Variants in ADGRL3 observed in about 807,000 individuals in gnomAD.
ADGRL3 encodes the protein adhesion G protein-coupled receptor L3.
In ADGRL3, 62 loss-of-function variants were observed where a neutral mutation model predicts 153.5. The ratio of observed to expected loss-of-function variants is 0.40; its 90% CI spans 0.33 to 0.50. ADGRL3 has a LOEUF of 0.50. Ranked by LOEUF, ADGRL3 falls within the 20% of genes least tolerant of loss-of-function variation. The pLI, the probability that ADGRL3 is intolerant of heterozygous loss-of-function variation, is 0.47. For synonymous variants in ADGRL3, 710 were observed against 672.5 expected (o/e 1.06, Z -0.86); for missense variants, 1,641 against 1,859.4 (o/e 0.88, Z 2.16).
Position 61,871,049 on chromosome 4 carries a change from C to T in ADGRL3, c.1481-21607C>T, listed in dbSNP as rs184162196. Among the ~76,000 whole-genome samples the T allele has an allele frequency of 2.7e-4, 41 of 152,238 alleles. No individual in the cohort carries two copies. The South Asian group carries it at 3.5e-3, about 13-fold the overall frequency. ...ATCCCAGCTCTTTGGGAGGCCAAGGCGGGCGAATCACGAGGTCAGGAGATC... is the reference window on the plus strand; with the variant it reads ...ATCCCAGCTCTTTGGGAGGCCAAGGTGGGCGAATCACGAGGTCAGGAGATC... On this transcript the variant is annotated intron_variant, in intron 9 of 26. Transcript: ENST00000683033.
At chr4:61,292,302 C>T (rs905817296) in intron 1 of ADGRL3, among the ~76,000 whole-genome samples, 1 of 151,942 alleles carries the variant, frequency 6.6e-6, no homozygotes, top group Non-Finnish European at 1.5e-5. Context: ...TGTGTGTTTA[C>T]TTCAATGGGA....
At chr4:61,741,026 GATGA>G (rs2096574971) in intron 8 of ADGRL3, among the ~76,000 whole-genome samples, 2 of 152,302 alleles carry the variant, frequency 1.3e-5, no homozygotes, top group South Asian at 4.1e-4. Context: ...GCTGTGTAGT[GATGA>G]ATAAGAACTT....
At chr4:61,718,150 G>GAAT (rs1178013650) in intron 6 of ADGRL3, among the ~76,000 whole-genome samples, 4 of 152,034 alleles carry the variant, frequency 2.6e-5, no homozygotes, top group African/African-American at 9.7e-5. Context: ...TTTGTAATTA[G>GAAT]AATATTAACC....
intron 5 of ADGRL3, among the ~76,000 whole-genome samples, chr4:61,614,299 T>A (rs2091745157): frequency 6.6e-6 from 1 of 152,172 alleles, no homozygotes; most frequent in Admixed American, 6.5e-5. Context: ...AGTGGCAAAC[T>A]TCAGAAGGAT....
Position 61,472,407 on chromosome 4 carries a change from G to C in ADGRL3, c.-173-24714G>C, listed in dbSNP as rs540859774. ...GTTGGCCAGGGCGGCAGTCTCATCTGAAGGCACAATTTGTGGAGAATCCAC... is the reference window on the plus strand; with the variant it reads ...GTTGGCCAGGGCGGCAGTCTCATCTCAAGGCACAATTTGTGGAGAATCCAC... On this transcript the variant is annotated intron_variant, in intron 2 of 26. Transcript: ENST00000683033. 5.9e-5 allele frequency among the ~76,000 whole-genome samples: 9 copies of C among 152,210 alleles called. No homozygotes were observed. In the South Asian group the frequency reaches 1.7e-3, roughly 28 times the overall value.
At chr4:62,052,321 A>G (rs1309807208) in intron 25 of ADGRL3, among the ~76,000 whole-genome samples, 1 of 151,602 alleles carries the variant, frequency 6.6e-6, no homozygotes, top group Non-Finnish European at 1.5e-5. Flanking sequence ...TTTATCACCT[A>G]ATATGGAAAA....
At chr4:62,028,755 C>A in intron 21 of ADGRL3, 100 bp from the exon 22 acceptor site, 1 of 843,510 alleles carries the variant, frequency 1.2e-6, no homozygotes, top group Non-Finnish European at 1.9e-6. Context: ...AGGTGGGGGA[C>A]AGAGGCCTTT....
chr4:61,249,845 G>A (rs1369432918), intron 1 of ADGRL3, among the ~76,000 whole-genome samples: 2 of 152,074 alleles, frequency 1.3e-5, no homozygotes, highest in African/African-American at 4.8e-5. Context: ...AGGATTAAGG[G>A]GGATACTGCG....
intron 21 of ADGRL3, among the ~76,000 whole-genome samples, chr4:62,006,032 A>ATATTTT (rs1203029363): frequency 7.5e-4 from 55 of 73,084 alleles, no homozygotes; most frequent in Non-Finnish European, 8.9e-4. Flanking sequence ...ATATATATAT[A>ATATTTT]TTTTTTTTTT....
intron 17 of ADGRL3, among the ~76,000 whole-genome samples, chr4:61,964,916 G>T (rs2099000555): frequency 6.6e-6 from 1 of 151,964 alleles, no homozygotes; most frequent in Admixed American, 6.6e-5. Context: ...ACTAGTTGAG[G>T]TGTTTATTAA....
chr4:61,449,467 T>C (rs1176545189), intron 2 of ADGRL3, among the ~76,000 whole-genome samples: 3 of 151,984 alleles, frequency 2.0e-5, no homozygotes, highest in Non-Finnish European at 4.4e-5. Context: ...AGTGAAATAC[T>C]ATTTGGATAA....
At chr4:61,974,931 A>G (rs2099042827) in intron 17 of ADGRL3, among the ~76,000 whole-genome samples, 1 of 152,192 alleles carries the variant, frequency 6.6e-6, no homozygotes, top group Non-Finnish European at 1.5e-5. Flanking sequence ...GGGCAGCATG[A>G]TACAACTTGT....
intron 6 of ADGRL3, among the ~76,000 whole-genome samples, chr4:61,729,715 A>G (rs1288839728): frequency 6.6e-6 from 1 of 151,960 alleles, no homozygotes; most frequent in African/African-American, 2.4e-5. Flanking sequence ...GAAACAAAAT[A>G]TTTATAAGAT....
intron 8 of ADGRL3, among the ~76,000 whole-genome samples, chr4:61,744,098 T>A (rs1300886590): frequency 1.3e-5 from 2 of 151,626 alleles, no homozygotes; most frequent in Non-Finnish European, 2.9e-5. Flanking sequence ...GCCCATGGAG[T>A]CTCGCTGATT....
At chr4:61,993,484 A>T (rs1288324351) in intron 19 of ADGRL3, among the ~76,000 whole-genome samples, 1 of 150,460 alleles carries the variant, frequency 6.6e-6, no homozygotes, top group Non-Finnish European at 1.5e-5. Flanking sequence ...TAGAGATGGG[A>T]TTTCACCATG....
At chr4:61,669,041 A>G (rs1449138532) in intron 5 of ADGRL3, among the ~76,000 whole-genome samples, 1 of 152,188 alleles carries the variant, frequency 6.6e-6, no homozygotes, top group Non-Finnish European at 1.5e-5. Flanking sequence ...TTTAAATGCC[A>G]GATTAAGAGT....
chr4:61,920,909 G>A (rs745766274), intron 13 of ADGRL3, among the ~76,000 whole-genome samples: 4 of 152,188 alleles, frequency 2.6e-5, no homozygotes, highest in Middle Eastern at 3.4e-3. Flanking sequence ...AGTGTCCAAC[G>A]ATTCTGTGTC....
intron 5 of ADGRL3, among the ~76,000 whole-genome samples, chr4:61,620,647 T>G: frequency 7.2e-6 from 1 of 139,242 alleles, no homozygotes; most frequent in East Asian, 2.0e-4. Flanking sequence ...TTTTTTTTTT[T>G]TTTTTTTTTT....
intron 1 of ADGRL3, among the ~76,000 whole-genome samples, chr4:61,240,451 A>G (rs2149315869): frequency 6.6e-6 from 1 of 152,272 alleles, no homozygotes; most frequent in East Asian, 1.9e-4. Flanking sequence ...GCCCATCTCT[A>G]AGGAAGACTT....
Sources: gnomAD v4.1 joint callset for allele counts (sites outside exome capture counted in the v4.1 genomes callset) on GRCh38, gnomAD v4.1.1 for gene constraint, MANE v1.5 for transcripts, NCBI Gene and HGNC (gene_info 2026-07-23, HGNC 2026-07-21) for gene names.